RTN3: variants seen among roughly 807,000 people sequenced by gnomAD.
RTN3 encodes the protein reticulon-3.
In RTN3, 49 loss-of-function variants were observed where a neutral mutation model predicts 77.8. The ratio of observed to expected loss-of-function variants is 0.63; its 90% CI spans 0.50 to 0.80. RTN3 has a LOEUF of 0.80. RTN3 is among the 30% of genes least tolerant of loss of function. RTN3 has a pLI of 0.00. For missense variants in RTN3, 1,236 were observed against 1,211.9 expected, an observed-to-expected ratio of 1.02 and a Z score of -0.29; for synonymous variants, 464 against 446.9, an observed-to-expected ratio of 1.04 and a Z score of -0.48.
chr11:63,717,531 G>C (rs1485407851), intron 2 of RTN3, among the ~76,000 whole-genome samples: 3 of 151,634 alleles, frequency 2.0e-5, no homozygotes, highest in African/African-American at 7.2e-5. Flanking sequence ...GGAATTACAG[G>C]TGCCTGCCAC....
Position 63,719,724 on chromosome 11 carries a change from G to A in RTN3, c.1222G>A (p.Ala408Thr), listed in dbSNP as rs1468351276. The A allele has an allele frequency of 1.9e-6, 3 of 1,614,130 alleles. No individual in the cohort carries two copies. ...ITKSTGDWAE[A>T]SLQQENAITG... is the part of the protein sequence containing the mutation. The stretch of plus-strand genomic sequence containing the variant: ...TAAATCAACAGGTGATTGGGCAGAA[G>A]CATCTCTCCAGCAAGAAAATGCTAT... The change falls in exon 3 of 9, where the codon GCA becomes ACA. Residue 408 changes from alanine to threonine, a missense_variant. Transcript: ENST00000377819.
intron 3 of RTN3, among the ~76,000 whole-genome samples, chr11:63,747,891 A>G (rs925608524): frequency 6.6e-6 from 1 of 152,174 alleles, no homozygotes; most frequent in African/African-American, 2.4e-5. Flanking sequence ...ATAGTGAGAA[A>G]TTACCAGGAC....
chr11:63,735,602 T>TCTCTCTCTCTC (rs1555078117), intron 3 of RTN3, among the ~76,000 whole-genome samples: 40 of 25,024 alleles, frequency 1.6e-3, no homozygotes, highest in African/African-American at 2.9e-3. Flanking sequence ...CTCTCTCTCT[T>TCTCTCTCTCTC]TCTTTCAACC....
intron 3 of RTN3, among the ~76,000 whole-genome samples, chr11:63,738,938 A>AGT (rs767465536): frequency 6.6e-6 from 1 of 152,196 alleles, no homozygotes; most frequent in African/African-American, 2.4e-5. Context: ...TGGATGTGTT[A>AGT]GTGCCCTCTT....
At chr11:63,708,360 A>G (rs1942596547) in intron 2 of RTN3, among the ~76,000 whole-genome samples, 1 of 152,212 alleles carries the variant, frequency 6.6e-6, no homozygotes. Context: ...AATAGAGACA[A>G]GGTCTCACTA....
intron 2 of RTN3, among the ~76,000 whole-genome samples, chr11:63,707,219 A>C (rs914716663): frequency 6.6e-6 from 1 of 151,968 alleles, no homozygotes; most frequent in African/African-American, 2.4e-5. Flanking sequence ...TTTCATATAG[A>C]AAAGGGATAG....
In RTN3 at chr11:63,697,469, C is replaced by CATTATTATTATT. The variant is rs71039664; in HGVS notation, c.143-7372_143-7361dup. On this transcript the variant is annotated intron_variant, in intron 1 of 8. Transcript: ENST00000377819. ...GGGATATGTGCCACCACACCCAGCT[C>CATTATTATTATT]ATTATTATTATTATTATTATTTTGA... is the stretch of plus-strand genomic sequence containing the variant. Among the ~76,000 whole-genome samples, 1,038 of 146,978 alleles carry CATTATTATTATT rather than the reference C, an allele frequency of 7.1e-3. 10 individuals carry two copies. Among genetic ancestry groups the CATTATTATTATT allele is most frequent in the Middle Eastern group, 0.017 (5 of 292 alleles).
intron 3 of RTN3, among the ~76,000 whole-genome samples, chr11:63,737,451 A>T (rs1027682285): frequency 6.6e-6 from 1 of 152,072 alleles, no homozygotes; most frequent in Non-Finnish European, 1.5e-5. Flanking sequence ...CTCTACTAAA[A>T]ATACAAAAAT....
chr11:63,714,194 G>T (rs2011260010), intron 2 of RTN3: 1 of 349,178 alleles, frequency 2.9e-6, no homozygotes. Context: ...GCCAAAAATG[G>T]TATTTTCATT....
chr11:63,692,419 A>T (rs757792147), intron 1 of RTN3, among the ~76,000 whole-genome samples: 1 of 151,756 alleles, frequency 6.6e-6, no homozygotes, highest in Non-Finnish European at 1.5e-5. Flanking sequence ...AGTAGACTCA[A>T]TGTTTATGTC....
In RTN3 at chr11:63,704,822, A is replaced by G. The variant is rs766213747; in HGVS notation, c.143-29A>G. On this transcript the variant is annotated intron_variant, in intron 1 of 8. Coordinates refer to ENST00000377819, the MANE Select transcript of RTN3 (RefSeq NM_001265589.2). ...GTTAAAATTCCTGTGTGAGGTTGTC[A>G]TATTCTCATGCTGTATATTTTCTTT... 4.6e-6 allele frequency: 7 copies of G among 1,536,962 alleles called. 1 individual carries two copies. Among genetic ancestry groups the G allele is most frequent in the South Asian group, 2.2e-5 (2 of 89,330 alleles).
intron 1 of RTN3, among the ~76,000 whole-genome samples, chr11:63,702,185 A>T (rs1203310264): frequency 6.6e-6 from 1 of 152,074 alleles, no homozygotes; most frequent in Non-Finnish European, 1.5e-5. Context: ...ATTTAGGGAC[A>T]ATTTTGGAGG....
intron 3 of RTN3, among the ~76,000 whole-genome samples, chr11:63,744,402 G>A (rs1007846664): frequency 6.6e-6 from 1 of 152,052 alleles, no homozygotes; most frequent in Non-Finnish European, 1.5e-5. Context: ...AAATACCATA[G>A]TTAACTTACA....
At chr11:63,714,673 C>T (rs577941178) in intron 2 of RTN3, among the ~76,000 whole-genome samples, 20 of 151,448 alleles carry the variant, frequency 1.3e-4, no homozygotes, top group East Asian at 7.8e-4. Context: ...CCACCATGCA[C>T]GGCTAATTTT....
rs199515481 is a variant in RTN3, at chr11:63,758,306, C to T, written c.*105C>T. On this transcript the variant is annotated 3_prime_UTR_variant, in exon 9 of 9. Transcript: ENST00000377819. ...AATACTCAGTGTCAGCTTGAGCCTG[C>T]ATTCCAAGCTTTTTTTTTAATTTGG... 9.2e-5 allele frequency: 148 copies of T among 1,613,048 alleles called. 1 individual carries two copies. In the East Asian group the frequency reaches 2.8e-3, roughly 31 times the overall value.
chr11:63,720,987 T>C lies in RTN3; in HGVS notation c.2485T>C (p.Leu829=), dbSNP rs1406654834. 9 of 1,610,374 alleles carry C rather than the reference T, an allele frequency of 5.6e-6. No homozygotes were observed. In the East Asian group the frequency reaches 1.3e-4, roughly 24 times the overall value. The change falls in exon 3 of 9, where the codon TTG becomes CTG. Residue 829 remains leucine, a synonymous_variant. Coordinates refer to ENST00000377819, the MANE Select transcript of RTN3 (RefSeq NM_001265589.2). ...DAVSSLSKTE[L]VKKHVLARLL... is the part of the protein sequence containing the mutation. The stretch of plus-strand genomic sequence containing the variant: ...TGTTTCCAGCCTTAGCAAGACTGAA[T>C]TGGTAAAAAAGCATGTCCTAGCAAG...
At position 63,752,542 on chromosome 11, in the gene RTN3, A is replaced by C; in HGVS notation, c.2774A>C (p.Glu925Ala). The change falls in exon 5 of 9, where the codon GAA (glutamate) becomes GCA (alanine). Residue 925 changes from glutamate to alanine, a missense_variant. By Grantham distance (107) the Glu-to-Ala change is moderately radical (BLOSUM62 -1). Coordinates refer to ENST00000377819, the MANE Select transcript of RTN3 (RefSeq NM_001265589.2). ...YLDVDITLSSEAFHNYMNAAM... is the reference protein window; with the variant it reads ...YLDVDITLSSAAFHNYMNAAM... ...GACGTAGACATTACTCTGTCCTCAG[A>C]AGCTTTCCATAATTACATGAATGCT... 6.2e-7 allele frequency: 1 copy of C among 1,613,538 alleles called. No homozygotes were observed. The highest frequency in any genetic ancestry group is 8.5e-7 in the Non-Finnish European group (1 of 1,179,400).
chr11:63,734,523 G>C (rs2012931256), intron 3 of RTN3, among the ~76,000 whole-genome samples: 1 of 151,716 alleles, frequency 6.6e-6, no homozygotes, highest in Non-Finnish European at 1.5e-5. Flanking sequence ...GATCACTTGA[G>C]GTCAGGAGTT....
chr11:63,720,838 C>T lies in RTN3; in HGVS notation c.2336C>T (p.Thr779Ile), dbSNP rs184286324. The T allele has an allele frequency of 2.5e-6, 4 of 1,613,808 alleles. No homozygotes were observed. In the East Asian group the frequency reaches 8.9e-5, roughly 36 times the overall value. Reference sequence around the variant, plus strand: ...GAAGAAGTACTGAAGCAAACTTTCACATTTGCTCCAGAATCTTGGCCACAG... The same window carrying T: ...GAAGAAGTACTGAAGCAAACTTTCATATTTGCTCCAGAATCTTGGCCACAG... Reference protein sequence around the residue: ...PSEEVLKQTFTFAPESWPQRS... With the variant: ...PSEEVLKQTFIFAPESWPQRS... The change falls in exon 3 of 9, where the codon ACA (threonine) becomes ATA (isoleucine). Residue 779 changes from threonine (T) to isoleucine (I), a missense_variant. Thr to Ile is a moderately conservative substitution (Grantham distance 89, BLOSUM62 -1). Transcript: ENST00000377819.
Sources: allele counts gnomAD v4.1 joint callset (sites outside exome capture counted in the v4.1 genomes callset), GRCh38; gene constraint gnomAD v4.1.1; transcripts MANE v1.5; gene names NCBI Gene and HGNC (gene_info 2026-07-23, HGNC 2026-07-21).